The following CEP350 variants were observed in gnomAD, a reference collection of about 807,000 sequenced individuals.
CEP350 encodes the protein centrosomal protein 350, also known as centrosome-associated protein 350.
A neutral mutation model predicts 331.8 loss-of-function variants in CEP350; 126 were observed. That is an observed-to-expected ratio of 0.38 (90% confidence interval 0.33 to 0.44). CEP350 has a LOEUF of 0.44. CEP350 is among the 20% of genes least tolerant of loss of function. The probability of loss-of-function intolerance (pLI) is 1.00; values close to 1 mark genes in which losing one functional copy is unlikely to be tolerated. For missense variants in CEP350, 3,406 were observed against 3,634.6 expected, an observed-to-expected ratio of 0.94 and a Z score of 1.62; for synonymous variants, 1,200 against 1,259.5, an observed-to-expected ratio of 0.95 and a Z score of 1.00.
At chr1:180,096,331 T>A in intron 36 of CEP350, 147 bp downstream of exon 36, 11 of 851,902 alleles carry the variant, frequency 1.3e-5, no homozygotes, top group Non-Finnish European at 1.8e-5. Flanking sequence ...AATAAAGATT[T>A]GTTGACTTAC....
chr1:180,021,222 T>C (rs1007913340), intron 12 of CEP350, among the ~76,000 whole-genome samples: 1 of 152,206 alleles, frequency 6.6e-6, no homozygotes, highest in African/African-American at 2.4e-5. Flanking sequence ...AAATTGTTAT[T>C]ATCATAAAAT....
chr1:179,981,178 G>A (rs1420278471), intron 1 of CEP350, among the ~76,000 whole-genome samples: 1 of 151,858 alleles, frequency 6.6e-6, no homozygotes, highest in African/African-American at 2.4e-5. Flanking sequence ...ATATGAAATG[G>A]ACAAAAATTC....
chr1:180,073,797 C>T, intron 27 of CEP350: 1 of 1,304,236 alleles, frequency 7.7e-7, no homozygotes, highest in Non-Finnish European at 1.0e-6. Flanking sequence ...CACTGCTCTC[C>T]TGTTCACTAC....
chr1:179,971,331 G>C (rs1380327239), intron 1 of CEP350, among the ~76,000 whole-genome samples: 1 of 151,772 alleles, frequency 6.6e-6, no homozygotes, highest in Non-Finnish European at 1.5e-5. Flanking sequence ...GCCCTGCCTT[G>C]TTTTGTTTTT....
rs917259375 is a variant in CEP350 at position 180,093,835 on chromosome 1, A to G, written c.7730A>G (p.Asn2577Ser). ...AACTTTGATGACTATGTAGACATTA[A>G]TGAAGATGAAGACTGTTACTCAGAT... ...PENFDDYVDI[N>S]EDEDCYSDER... Residue 2577 changes from asparagine (N) to serine (S), a missense_variant, in exon 34 of 38, where the codon AAT becomes AGT. By Grantham distance (46) the Asn-to-Ser change is conservative (BLOSUM62 1). Around this residue, in one of 5 missense-constraint regions of CEP350, gnomAD observed 1,415 missense variants for 1,512.3 expected, o/e 0.94. Transcript: ENST00000367607. 3 of 1,613,816 alleles carry G rather than the reference A, an allele frequency of 1.9e-6. No homozygotes were observed. Among genetic ancestry groups the G allele is most frequent in the African/African-American group, 2.7e-5 (2 of 74,938 alleles).
chr1:180,103,630 TTTA>T (rs1410598011), intron 37 of CEP350, among the ~76,000 whole-genome samples: 1 of 152,134 alleles, frequency 6.6e-6, no homozygotes, highest in African/African-American at 2.4e-5. Flanking sequence ...TGGATTTGCT[TTTA>T]TTCTGCTTTA....
chr1:180,002,227 A>AT (rs1305467192), intron 6 of CEP350, among the ~76,000 whole-genome samples: 1 of 152,210 alleles, frequency 6.6e-6, no homozygotes, highest in Non-Finnish European at 1.5e-5. Context: ...TAATCCCAGC[A>AT]TTTTGGGAGA....
intron 16 of CEP350, among the ~76,000 whole-genome samples, chr1:180,034,424 A>C (rs1469210138): frequency 1.3e-5 from 2 of 150,236 alleles, no homozygotes; most frequent in African/African-American, 4.9e-5. Flanking sequence ...ACCTTGTTTT[A>C]TTGTGCTTGG....
chr1:179,991,705 GTGTATATA>G (rs1434775055), intron 4 of CEP350, among the ~76,000 whole-genome samples: 4 of 122,444 alleles, frequency 3.3e-5, no homozygotes, highest in African/African-American at 1.2e-4. Flanking sequence ...GTGTGTGTGT[GTGTATATA>G]TATATATATA....
chr1:179,982,618 T>C (rs1652359925), intron 1 of CEP350, among the ~76,000 whole-genome samples: 2 of 152,214 alleles, frequency 1.3e-5, no homozygotes, highest in South Asian at 4.1e-4. Flanking sequence ...ATCCTTTCCA[T>C]TGGAAAATTG....
chr1:180,038,101 C>T (rs1409454593), intron 17 of CEP350, among the ~76,000 whole-genome samples: 2 of 152,152 alleles, frequency 1.3e-5, no homozygotes, highest in Admixed American at 6.5e-5. Context: ...TGATTTCTGG[C>T]ACCATAGTTT....
intron 1 of CEP350, among the ~76,000 whole-genome samples, chr1:179,963,634 G>T (rs1157521756): frequency 2.0e-5 from 3 of 151,832 alleles, no homozygotes; most frequent in Admixed American, 6.6e-5. Context: ...CTTTGTTCAA[G>T]ATCAACTGGT....
chr1:180,070,408 A>G (rs866682997), intron 27 of CEP350, among the ~76,000 whole-genome samples: 2 of 152,208 alleles, frequency 1.3e-5, no homozygotes, highest in Admixed American at 6.5e-5. Context: ...ATTTAACGTC[A>G]CATGGTCTAG....
In CEP350 at chr1:180,092,957, A is replaced by C. The variant is rs1272483909; in HGVS notation, c.6852A>C (p.Leu2284Phe). Residue 2284 changes from leucine to phenylalanine, a missense_variant, in exon 34 of 38, where the codon TTA becomes TTC. Around this residue, in one of 5 missense-constraint regions of CEP350, gnomAD observed 1,415 missense variants for 1,512.3 expected, o/e 0.94. Transcript: ENST00000367607. ...CTAAAGAAGGTAAATCTGATGTCTT[A>C]CTGAAATTAGTCCTAGAACAGGGAG... is the stretch of plus-strand genomic sequence containing the variant. ...AFSKEGKSDV[L>F]LKLVLEQGDS... 3.1e-6 allele frequency: 5 copies of C among 1,596,860 alleles called. No individual in the cohort carries two copies. Among genetic ancestry groups the C allele is most frequent in the Non-Finnish European group, 4.3e-6 (5 of 1,170,140 alleles).
At chr1:180,009,176 A>G (rs1056974398) in intron 8 of CEP350, among the ~76,000 whole-genome samples, 6 of 152,024 alleles carry the variant, frequency 3.9e-5, no homozygotes, top group African/African-American at 1.4e-4. Flanking sequence ...CGCCCAGCTA[A>G]TTTTTGTATT....
At chr1:180,070,252 G>T (rs1029835722) in intron 27 of CEP350, among the ~76,000 whole-genome samples, 1 of 152,070 alleles carries the variant, frequency 6.6e-6, no homozygotes, top group South Asian at 2.1e-4. Flanking sequence ...TTTTGTTTTC[G>T]ATATCTTTTA....
At chr1:180,041,631 A>G in intron 18 of CEP350, 31 bp from the exon 19 acceptor site, 1 of 1,587,498 alleles carries the variant, frequency 6.3e-7, no homozygotes, top group Non-Finnish European at 8.6e-7. Context: ...ATTAAAACAT[A>G]ACTTCTTTTT....
chr1:180,099,053 C>T, intron 37 of CEP350, 68 bp downstream of exon 37: 1 of 1,490,686 alleles, frequency 6.7e-7, no homozygotes, highest in Non-Finnish European at 9.1e-7. Context: ...CAGTTAGATT[C>T]TAAAAGGAAA....
intron 22 of CEP350, among the ~76,000 whole-genome samples, chr1:180,051,631 A>T (rs952394358): frequency 8.5e-5 from 13 of 152,244 alleles, no homozygotes; most frequent in African/African-American, 3.1e-4. Context: ...GCATACACAC[A>T]CATTAATCAG....
Sources: allele counts gnomAD v4.1 joint callset (sites outside exome capture counted in the v4.1 genomes callset), GRCh38; gene constraint gnomAD v4.1.1; regional missense constraint gnomAD v4.1.1; transcripts MANE v1.5; gene names NCBI Gene and HGNC (gene_info 2026-07-23, HGNC 2026-07-21).